SPIRE2: variants seen among roughly 807,000 people sequenced by gnomAD.
The protein encoded by SPIRE2 is protein spire homolog 2.
SPIRE2 carries 76 observed loss-of-function variants against 80.7 expected under a neutral mutation model. That is an observed-to-expected ratio of 0.94 (90% confidence interval 0.78 to 1.14). The LOEUF is 1.14. Ranked by LOEUF, SPIRE2 falls within the 50% of genes most tolerant of loss-of-function variation. SPIRE2 has a pLI of 0.00. For missense variants in SPIRE2, 1,196 were observed against 1,015.3 expected, an observed-to-expected ratio of 1.18 and a Z score of -2.42; for synonymous variants, 535 against 432.6, an observed-to-expected ratio of 1.24 and a Z score of -2.94.
At chr16:89,836,557 C>T (rs962780993) in intron 1 of SPIRE2, 2 of 204,056 alleles carry the variant, frequency 9.8e-6, no homozygotes, top group African/African-American at 4.5e-5. Context: ...CAGACACCAA[C>T]GTTTGTTTAT....
chr16:89,860,171 C>T (rs1263990160), intron 9 of SPIRE2, among the ~76,000 whole-genome samples: 1 of 152,192 alleles, frequency 6.6e-6, no homozygotes, highest in Non-Finnish European at 1.5e-5. Flanking sequence ...CATTCTGGGG[C>T]TCAGACACGG....
rs150849830 is a variant in SPIRE2 at position 89,843,681 on chromosome 16, G to T, written c.245-1641G>T. On this transcript the variant is annotated intron_variant, in intron 1 of 14. Coordinates refer to ENST00000378247, the MANE Select transcript of SPIRE2 (RefSeq NM_032451.2). ...CTTGCTGCCACGTTTTTTTTTTTTT[G>T]TTTGTTTTTGTTTTTTGTTTTTTTT... Among the ~76,000 whole-genome samples, 581 of 64,880 alleles carry T rather than the reference G, an allele frequency of 9.0e-3. 42 individuals carry two copies. The highest frequency in any genetic ancestry group is 0.017 in the East Asian group (22 of 1,282). 42.6% of individuals were successfully genotyped at this position (64,880 alleles called of 152,430 possible).
intron 1 of SPIRE2, among the ~76,000 whole-genome samples, chr16:89,842,227 T>TTTTTTTTTTTTTTTTG: frequency 7.3e-6 from 1 of 137,444 alleles, no homozygotes. Flanking sequence ...TTTTTTTTTT[T>TTTTTTTTTTTTTTTTG]TTTGTGACGG....
Position 89,828,860 on chromosome 16 carries a change from G to A in SPIRE2, c.244+66G>A, listed in dbSNP as rs922436346. 1 of 1,143,394 alleles carries A rather than the reference G, an allele frequency of 8.7e-7. No homozygotes were observed. The highest frequency in any genetic ancestry group is 1.1e-6 in the Non-Finnish European group (1 of 925,872). The allele number at this position is 1,143,394 out of a possible 1,614,324, so 70.8% of individuals were successfully genotyped here. ...GGGGCGTCCGTCCCGCCCCCTGGGT[G>A]GGGGTGGTCCCGGCGGAGAGGCTGC... On this transcript the variant is annotated intron_variant, in intron 1 of 14. Transcript: ENST00000378247. This position sits in a 1 kb window ranked among gnomAD's most constrained non-coding sequence, Gnocchi z 5.9.
At chr16:89,855,367 C>T (rs2143813874) in intron 5 of SPIRE2, among the ~76,000 whole-genome samples, 1 of 152,214 alleles carries the variant, frequency 6.6e-6, no homozygotes, top group South Asian at 2.1e-4. Flanking sequence ...GTGCTAGAGG[C>T]TGGGGCAGCC....
chr16:89,854,138 T>C (rs954818936), intron 3 of SPIRE2, 148 bp from the exon 4 acceptor site: 8 of 742,796 alleles, frequency 1.1e-5, no homozygotes, highest in South Asian at 1.0e-4. Flanking sequence ...TTTCGAGTCC[T>C]ATGGCCTGGG....
rs745972787 is a variant in SPIRE2, at chr16:89,870,077, C to T, written c.1950C>T (p.Ser650=). The T allele has an allele frequency of 5.0e-6, 8 of 1,613,130 alleles. No homozygotes were observed. The highest frequency in any genetic ancestry group is 2.2e-5 in the South Asian group (2 of 90,872). The change falls in exon 15 of 15, where the codon AGC becomes AGT. Residue 650 remains serine, a synonymous_variant. Transcript: ENST00000378247. ...CTCTGCAAGGGCCACAGTGGCAGAG[C>T]GTGGAGGAGGCGTTCCCCCACATCT... is the stretch of plus-strand genomic sequence containing the variant. ...FQSLQGPQWQ[S]VEEAFPHIYS...
Position 89,868,202 on chromosome 16 carries a change from T to G in SPIRE2, c.1792T>G (p.Ser598Ala), listed in dbSNP as rs1351334131. 6.2e-7 allele frequency: 1 copy of G among 1,613,912 alleles called. No individual in the cohort carries two copies. The highest frequency in any genetic ancestry group is 2.2e-5 in the East Asian group (1 of 44,888). Reference sequence around the variant, plus strand: ...GTTCCCTTCCAGAGCCGTCTGCACTTCCTGTAGCATAAAGGTGAGGACCAT... The same window carrying G: ...GTTCCCTTCCAGAGCCGTCTGCACTGCCTGTAGCATAAAGGTGAGGACCAT... ...CLFCKRAVCT[S>A]CSIKMKMPSK... The change falls in exon 13 of 15, where the codon TCC becomes GCC. Residue 598 changes from serine (S) to alanine (A), a missense_variant. Transcript: ENST00000378247.
At chr16:89,839,462 G>T (rs2041482739) in intron 1 of SPIRE2, among the ~76,000 whole-genome samples, 1 of 152,046 alleles carries the variant, frequency 6.6e-6, no homozygotes, top group African/African-American at 2.4e-5. Flanking sequence ...GTGGGGGGCG[G>T]CGCTGATTTG....
chr16:89,845,167 A>G (rs962890852), intron 1 of SPIRE2, among the ~76,000 whole-genome samples, 155 bp from the exon 2 acceptor site: 1 of 152,098 alleles, frequency 6.6e-6, no homozygotes, highest in African/African-American at 2.4e-5. Context: ...TGTTCGTCCA[A>G]ATGACCAAGT....
chr16:89,869,715 T>G (rs770771681), intron 14 of SPIRE2, 33 bp downstream of exon 14: 1 of 1,551,886 alleles, frequency 6.4e-7, no homozygotes, highest in Admixed American at 1.7e-5. Flanking sequence ...GATGTCACTG[T>G]GGTGGTCGGG....
Position 89,848,524 on chromosome 16 carries a change from T to TGCGGC in SPIRE2, c.289-1779_289-1778insCGGCG, listed in dbSNP as rs1567672895. On this transcript the variant is annotated intron_variant, in intron 2 of 14. Coordinates refer to ENST00000378247, the MANE Select transcript of SPIRE2 (RefSeq NM_032451.2). ...AGACGAGGCAGGTTCCAGGGCCTTC[T>TGCGGC]GTGGTGTTTCTGCAGGACAGACGAG... is the stretch of plus-strand genomic sequence containing the variant. 2.0e-4 allele frequency among the ~76,000 whole-genome samples: 29 copies of TGCGGC among 141,638 alleles called. 9 individuals are homozygous for TGCGGC. The highest frequency in any genetic ancestry group is 1.1e-3 in the East Asian group (4 of 3,792). 92.9% of individuals were successfully genotyped at this position (141,638 alleles called of 152,430 possible). A position where few individuals can be genotyped will look rare whatever the true frequency, so the allele number is the denominator to read the frequency against.
chr16:89,842,728 G>C (rs1005673354), intron 1 of SPIRE2, among the ~76,000 whole-genome samples: 3 of 152,184 alleles, frequency 2.0e-5, no homozygotes, highest in Non-Finnish European at 2.9e-5. Flanking sequence ...CCTTTGTTTG[G>C]GTCTGATGTC....
chr16:89,834,097 T>G (rs1383134677), intron 1 of SPIRE2, among the ~76,000 whole-genome samples: 2 of 151,512 alleles, frequency 1.3e-5, no homozygotes, highest in Non-Finnish European at 3.0e-5. Flanking sequence ...CGCTCGCGGT[T>G]GGCCGTCGTA....
At chr16:89,848,330 C>A (rs975588091) in intron 2 of SPIRE2, among the ~76,000 whole-genome samples, 1 of 152,234 alleles carries the variant, frequency 6.6e-6, no homozygotes, top group African/African-American at 2.4e-5. Flanking sequence ...ATGTGTCTTG[C>A]CCGCCTACAG....
chr16:89,850,773 G>A, intron 3 of SPIRE2, 113 bp downstream of exon 3: 1 of 733,130 alleles, frequency 1.4e-6, no homozygotes, highest in Non-Finnish European at 2.1e-6. Flanking sequence ...CAGGTCGTCG[G>A]TGCGACTGCC....
Position 89,850,516 on chromosome 16 carries a change from C to A in SPIRE2, c.501C>A (p.Thr167=). 1 of 1,524,916 alleles carries A rather than the reference C, an allele frequency of 6.6e-7. No individual in the cohort carries two copies. The highest frequency in any genetic ancestry group is 1.3e-5 in the South Asian group (1 of 79,770). The allele number at this position is 1,524,916 out of a possible 1,614,324, so 94.5% of individuals were successfully genotyped here. ...EAEGVPRSVR[T]FAQAMRLCAA... is the part of the protein sequence containing the mutation. The stretch of plus-strand genomic sequence containing the variant: ...AGGGCGTCCCCCGCAGCGTGCGCAC[C>A]TTTGCCCAGGCCATGCGGCTGTGCG... The change falls in exon 3 of 15, where the codon ACC becomes ACA. Residue 167 remains threonine, a synonymous_variant. Coordinates refer to ENST00000378247, the MANE Select transcript of SPIRE2 (RefSeq NM_032451.2).
chr16:89,832,374 A>C lies in SPIRE2; in HGVS notation c.244+3580A>C, dbSNP rs112990133. ...AATAGCAGTCTGCAAACGTGTGCAC[A>C]TGAGTGTTTAGTTGTTTTCTGGAGA... On this transcript the variant is annotated intron_variant, in intron 1 of 14. Transcript: ENST00000378247. 2.2e-3 allele frequency among the ~76,000 whole-genome samples: 339 copies of C among 152,338 alleles called. 1 individual carries two copies. The highest frequency in any genetic ancestry group is 7.3e-3 in the African/African-American group (302 of 41,574).
At chr16:89,855,472 C>A (rs1309138388) in intron 5 of SPIRE2, 128 bp from the exon 6 acceptor site, 6 of 749,630 alleles carry the variant, frequency 8.0e-6, no homozygotes, top group Non-Finnish European at 1.1e-5. Context: ...TGGGTCCCTG[C>A]GAGCAAAGAG....
Sources: gnomAD v4.1 joint callset for allele counts (sites outside exome capture counted in the v4.1 genomes callset) on GRCh38, gnomAD v4.1.1 for gene constraint, Gnocchi (gnomAD v3.1) non-coding constraint, MANE v1.5 for transcripts, NCBI Gene and HGNC (gene_info 2026-07-23, HGNC 2026-07-21) for gene names.